Variants in CMTR1 observed in about 807,000 individuals in gnomAD.
CMTR1 encodes cap-specific mRNA (nucleoside-2'-O-)-methyltransferase 1.
A neutral mutation model predicts 107.0 loss-of-function variants in CMTR1; 39 were observed. The observed-to-expected ratio is 0.36, with a 90% confidence interval of 0.28 to 0.48. CMTR1 has a LOEUF of 0.48. CMTR1 is among the 20% of genes least tolerant of loss of function. The pLI is 0.99. For synonymous variants in CMTR1, 366 were observed against 379.5 expected, an observed-to-expected ratio of 0.96 and a Z score of 0.41; for missense variants, 672 against 1,064.9, an observed-to-expected ratio of 0.63 and a Z score of 5.14.
chr6:37,470,508 C>G (rs903774484), intron 13 of CMTR1, among the ~76,000 whole-genome samples: 1 of 152,200 alleles, frequency 6.6e-6, no homozygotes, highest in South Asian at 2.1e-4. Context: ...AAGGCCCCAT[C>G]TGAGAATTCC....
chr6:37,448,059 A>C (rs1174591102), intron 4 of CMTR1, among the ~76,000 whole-genome samples: 2 of 151,554 alleles, frequency 1.3e-5, no homozygotes, highest in Non-Finnish European at 2.9e-5. Context: ...AAAATACAAA[A>C]AATTAGCCGG....
chr6:37,435,476 T>C (rs1436483777), intron 1 of CMTR1, 148 bp from the exon 2 acceptor site: 3 of 782,688 alleles, frequency 3.8e-6, no homozygotes, highest in Admixed American at 3.7e-5. Context: ...GACCTCATTC[T>C]GAGGAAGAGG....
rs1388564985 is a variant in CMTR1, at chr6:37,458,879, G to A, written c.976+69G>A. ...CCTCTATGGGGACTTCAGGTCAGAA[G>A]CAGTTGTTATCCACATGCCATATTT... On this transcript the variant is annotated intron_variant, in intron 9 of 23. Transcript: ENST00000373451. The surrounding 1 kb of genome is among the most constrained non-coding windows in gnomAD (Gnocchi z 4.7). 5 of 1,425,050 alleles carry A rather than the reference G, an allele frequency of 3.5e-6. No individual in the cohort carries two copies. Among genetic ancestry groups the A allele is most frequent in the South Asian group, 1.2e-5 (1 of 84,476 alleles). The allele number at this position is 1,425,050 out of a possible 1,614,324, so 88.3% of individuals were successfully genotyped here.
In CMTR1 at chr6:37,472,466, G is replaced by A; in HGVS notation, c.1668G>A (p.Ser556=). 3 of 1,614,108 alleles carry A rather than the reference G, an allele frequency of 1.9e-6. No individual in the cohort carries two copies. The highest frequency in any genetic ancestry group is 1.7e-6 in the Non-Finnish European group (2 of 1,179,994). The change falls in exon 16 of 24, where the codon TCG becomes TCA. Residue 556 remains serine (S), a synonymous_variant. Transcript: ENST00000373451. The surrounding 1 kb of genome is among the most constrained non-coding windows in gnomAD (Gnocchi z 4.1). ...CTCCTTCTTCCTCCGACCCTAAATCGAAGTTCTTTGAGCTAATCCAGGTAA... is the reference window on the plus strand; with the variant it reads ...CTCCTTCTTCCTCCGACCCTAAATCAAAGTTCTTTGAGCTAATCCAGGTAA... The part of the protein sequence containing the change: ...RVAPSSSDPK[S]KFFELIQGTE...
chr6:37,467,306 C>T (rs1156341018), intron 13 of CMTR1, among the ~76,000 whole-genome samples: 1 of 152,004 alleles, frequency 6.6e-6, no homozygotes, highest in African/African-American at 2.4e-5. Flanking sequence ...ATTTAATATT[C>T]AGATAATTTA....
At chr6:37,441,497 C>G (rs974091540) in intron 2 of CMTR1, among the ~76,000 whole-genome samples, 1 of 151,938 alleles carries the variant, frequency 6.6e-6, no homozygotes, top group African/African-American at 2.4e-5. Context: ...TCACCGCAAT[C>G]TCCACCTCCT....
rs145186283 is a variant in CMTR1 at position 37,447,888 on chromosome 6, T to C, written c.444+1439T>C. ...GTCTCAAAAAAAAAAAAAAGCCCTA[T>C]AAGTAAGTAAACGTTTGTAAGTAAA... is the stretch of plus-strand genomic sequence containing the variant. On this transcript the variant is annotated intron_variant, in intron 4 of 23. Transcript: ENST00000373451. Among the ~76,000 whole-genome samples the C allele has an allele frequency of 5.7e-3, 755 of 132,620 alleles. 3 individuals carry two copies. Among genetic ancestry groups the C allele is most frequent in the Middle Eastern group, 0.036 (6 of 166 alleles). 87.0% of individuals were successfully genotyped at this position (132,620 alleles called of 152,430 possible).
At position 37,474,615 on chromosome 6, in the gene CMTR1, C is replaced by A. The variant is rs754842721; in HGVS notation, c.1913C>A (p.Ser638Tyr). Reference protein sequence around the residue: ...KTELPRDTLLSVEIVHELKGE... With the variant: ...KTELPRDTLLYVEIVHELKGE... Reference sequence around the variant, plus strand: ...GAGCTGCCCCGGGACACTCTGCTATCTGTGGAAATTGTGCATGAGCTGAAA... The same window carrying A: ...GAGCTGCCCCGGGACACTCTGCTATATGTGGAAATTGTGCATGAGCTGAAA... Residue 638 changes from serine to tyrosine, a missense_variant, in exon 18 of 24, where the codon TCT (serine) becomes TAT (tyrosine). This residue lies in a region of CMTR1 where 583 missense variants were observed against 968.4 expected (regional missense o/e 0.60). Coordinates refer to ENST00000373451, the MANE Select transcript of CMTR1 (RefSeq NM_015050.3). 1 of 1,614,026 alleles carries A rather than the reference C, an allele frequency of 6.2e-7. No individual in the cohort carries two copies. Among genetic ancestry groups the A allele is most frequent in the Non-Finnish European group, 8.5e-7 (1 of 1,179,956 alleles).
intron 8 of CMTR1, among the ~76,000 whole-genome samples, chr6:37,456,189 T>C (rs1255480035): frequency 6.6e-6 from 1 of 152,252 alleles, no homozygotes; most frequent in Admixed American, 6.5e-5. Flanking sequence ...TTTCCCTCTT[T>C]GCAGTATGTG....
rs1283848387 is a variant in CMTR1, at chr6:37,458,680, C to A, written c.846C>A (p.Gly282=). The A allele has an allele frequency of 6.2e-7, 1 of 1,614,136 alleles. No individual in the cohort carries two copies. The highest frequency in any genetic ancestry group is 8.5e-7 in the Non-Finnish European group (1 of 1,180,038). ...CTGATGTCTGCGCAGGCCCAGGTGG[C>A]TTCTCAGAGTATGTGCTGTGGAGGA... ...YFADVCAGPG[G]FSEYVLWRKK... The change falls in exon 9 of 24, where the codon GGC becomes GGA. Residue 282 remains glycine (G), a synonymous_variant. Transcript: ENST00000373451. This position sits in a 1 kb window ranked among gnomAD's most constrained non-coding sequence, Gnocchi z 4.7.
At chr6:37,435,439 A>G (rs1562114429) in intron 1 of CMTR1, among the ~76,000 whole-genome samples, 185 bp from the exon 2 acceptor site, 1 of 152,174 alleles carries the variant, frequency 6.6e-6, no homozygotes, top group East Asian at 1.9e-4. Context: ...ATTATTGAAA[A>G]CCAACACTTG....
At chr6:37,425,055 TCTC>T in the CMTR1 span, among the ~76,000 whole-genome samples, 1 of 150,656 alleles carries the variant, frequency 6.6e-6, no homozygotes, top group Non-Finnish European at 1.5e-5. Flanking sequence ...TTCAAGCAAT[TCTC>T]CTGCCTCAGC....
chr6:37,477,492 A>C (rs1403518237), intron 20 of CMTR1, 100 bp from the exon 21 acceptor site: 4 of 1,072,752 alleles, frequency 3.7e-6, no homozygotes, highest in Non-Finnish European at 5.8e-6. Context: ...GGCCTGGGGC[A>C]GAAGCCAAGG....
At position 37,478,473 on chromosome 6, in the gene CMTR1, G is replaced by A. The variant is rs1191188833; in HGVS notation, c.2218G>A (p.Asp740Asn). The A allele has an allele frequency of 1.9e-6, 3 of 1,613,970 alleles. No homozygotes were observed. Among genetic ancestry groups the A allele is most frequent in the Non-Finnish European group, 2.5e-6 (3 of 1,180,012 alleles). The change falls in exon 22 of 24, where the codon GAC (aspartate) becomes AAC (asparagine). Residue 740 changes from aspartate (D) to asparagine (N), a missense_variant. This residue lies in a region of CMTR1 where 583 missense variants were observed against 968.4 expected (regional missense o/e 0.60). Coordinates refer to ENST00000373451, the MANE Select transcript of CMTR1 (RefSeq NM_015050.3). ...AAAGCTCAGCTACACAGGGCGTGAT[G>A]ACCGGCACTTTGTACCCATGGGCCT... ...TPKLSYTGRD[D>N]RHFVPMGLYI...
At chr6:37,477,207 A>G (rs565057138) in intron 20 of CMTR1, among the ~76,000 whole-genome samples, 1 of 152,260 alleles carries the variant, frequency 6.6e-6, no homozygotes, top group Non-Finnish European at 1.5e-5. Flanking sequence ...CCATGTGGAC[A>G]GACCTGGGCA....
At chr6:37,478,134 T>C (rs751925595) in intron 21 of CMTR1, among the ~76,000 whole-genome samples, 27 of 152,130 alleles carry the variant, frequency 1.8e-4, no homozygotes, top group Non-Finnish European at 3.2e-4. Context: ...ACCCGTGGTG[T>C]CAGATCTCAC....
chr6:37,425,987 TC>T, the CMTR1 span, among the ~76,000 whole-genome samples: 1 of 152,194 alleles, frequency 6.6e-6, no homozygotes, highest in African/African-American at 2.4e-5. Context: ...TTATTTTTGT[TC>T]CTTAGACTCA....
chr6:37,475,332 G>A lies in CMTR1; in HGVS notation c.1956G>A (p.Gln652=), dbSNP rs770645297. Residue 652 remains glutamine, a synonymous_variant, in exon 19 of 24, where the codon CAG becomes CAA. Coordinates refer to ENST00000373451, the MANE Select transcript of CMTR1 (RefSeq NM_015050.3). The stretch of plus-strand genomic sequence containing the variant: ...ACTTATCCTTCTAGGGGAAGGCCCA[G>A]AGGAAGATCAGTGCCATCCACATCC... ...VHELKGEGKA[Q]RKISAIHILD... is the part of the protein sequence containing the mutation. The A allele has an allele frequency of 1.1e-5, 18 of 1,613,748 alleles. No individual in the cohort carries two copies. In the East Asian group the frequency reaches 4.0e-4, roughly 36 times the overall value.
At chr6:37,451,918 G>A in intron 6 of CMTR1, 41 bp downstream of exon 6, 1 of 1,530,648 alleles carries the variant, frequency 6.5e-7, no homozygotes, top group Non-Finnish European at 9.0e-7. Flanking sequence ...AAAACCTTGT[G>A]GGAGGTGATT....
Sources: gnomAD v4.1 joint callset for allele counts (sites outside exome capture counted in the v4.1 genomes callset) on GRCh38, gnomAD v4.1.1 for gene constraint, gnomAD v4.1.1 regional missense constraint, Gnocchi (gnomAD v3.1) non-coding constraint, MANE v1.5 for transcripts, NCBI Gene and HGNC (gene_info 2026-07-23, HGNC 2026-07-21) for gene names.